Variants in TDRD1 observed in about 807,000 individuals in gnomAD.
The protein encoded by TDRD1 is tudor domain containing 1, also known as tudor domain-containing protein 1.
In TDRD1, 37 loss-of-function variants were observed where a neutral mutation model predicts 140.6. The observed-to-expected ratio is 0.26, with a 90% CI of 0.20 to 0.35. The LOEUF is 0.35. Ranked by LOEUF, TDRD1 falls within the 10% of genes least tolerant of loss-of-function variation. The pLI, the probability that TDRD1 is intolerant of heterozygous loss-of-function variation, is 1.00. For missense variants in TDRD1, 1,243 were observed against 1,393.0 expected (o/e 0.89, Z 1.71); for synonymous variants, 506 against 475.7 (o/e 1.06, Z -0.83).
chr10:114,196,432 G>T (rs2132889720), intron 3 of TDRD1, among the ~76,000 whole-genome samples: 1 of 152,196 alleles, frequency 6.6e-6, no homozygotes, highest in Non-Finnish European at 1.5e-5. Flanking sequence ...AGTTTCTCAG[G>T]TAAGTTTTCT....
chr10:114,224,495 A>G (rs2036322708), intron 21 of TDRD1, among the ~76,000 whole-genome samples: 1 of 152,144 alleles, frequency 6.6e-6, no homozygotes, highest in Non-Finnish European at 1.5e-5. Context: ...TAATGCTTTT[A>G]GTTGCTTTTG....
At chr10:114,194,659 T>G (rs2034210459) in intron 3 of TDRD1, among the ~76,000 whole-genome samples, 1 of 151,976 alleles carries the variant, frequency 6.6e-6, no homozygotes, top group African/African-American at 2.4e-5. Flanking sequence ...TTAATTGATT[T>G]CTTCTTTTAT....
At chr10:114,198,009 G>C (rs571619695) in intron 3 of TDRD1, among the ~76,000 whole-genome samples, 1 of 152,230 alleles carries the variant, frequency 6.6e-6, no homozygotes, top group African/African-American at 2.4e-5. Context: ...ACACTGCTCT[G>C]GCTGCTTGTT....
chr10:114,230,696 A>G (rs1160383491), intron 25 of TDRD1, among the ~76,000 whole-genome samples: 1 of 152,236 alleles, frequency 6.6e-6, no homozygotes, highest in Non-Finnish European at 1.5e-5. Context: ...TTGCTTAAGC[A>G]TTACTTCATT....
At chr10:114,194,799 TCCAGG>T in intron 3 of TDRD1, among the ~76,000 whole-genome samples, 1 of 148,840 alleles carries the variant, frequency 6.7e-6, no homozygotes. Flanking sequence ...CCCTCTGTCA[TCCAGG>T]CTGGAGTGTA....
chr10:114,178,602 G>A (rs772842472), upstream of TDRD1, among the ~76,000 whole-genome samples: 80 of 152,292 alleles, frequency 5.3e-4, 2 homozygotes, highest in African/African-American at 1.8e-3. Context: ...GGGCTGAGAT[G>A]TTACTAAGTC....
chr10:114,181,049 G>A (rs1194840591), intron 1 of TDRD1, among the ~76,000 whole-genome samples: 1 of 152,168 alleles, frequency 6.6e-6, no homozygotes, highest in African/African-American at 2.4e-5. Context: ...GACTTAATGG[G>A]TTCAAAGCGT....
At chr10:114,205,562 T>G (rs926592990) in intron 10 of TDRD1, among the ~76,000 whole-genome samples, 1 of 152,236 alleles carries the variant, frequency 6.6e-6, no homozygotes, top group African/African-American at 2.4e-5. Context: ...CAGCCATACT[T>G]ATGTCTTAAA....
rs1328467796 is a variant in TDRD1, at chr10:114,213,337, C to G, written c.1832-9C>G. On this transcript the variant is annotated splice_polypyrimidine_tract_variant and intron_variant, in intron 14 of 25. Coordinates refer to ENST00000251864, the Ensembl canonical transcript of TDRD1. ...ATAATTGTAACATTCATTCAAAATT[C>G]TTTGTTAGGAGTAAAGCCATCATTA... is the stretch of plus-strand genomic sequence containing the variant. The G allele has an allele frequency of 6.3e-7, 1 of 1,597,210 alleles. No homozygotes were observed. Among genetic ancestry groups the G allele is most frequent in the East Asian group, 2.2e-5 (1 of 44,522 alleles).
chr10:114,179,001 G>C (rs2032801300), upstream of TDRD1, among the ~76,000 whole-genome samples: 1 of 152,240 alleles, frequency 6.6e-6, no homozygotes, highest in Non-Finnish European at 1.5e-5. Context: ...ACCAGGCAGA[G>C]GCTGTTGATT....
Position 114,202,347 on chromosome 10 carries a change from T to TGCCCCCC in TDRD1, c.696+49_696+50insGCCCCCC, listed in dbSNP as rs753474862. ...TTTTGAATAACTCCTCTTTATTGAA[T>TGCCCCCC]TAAGATGTAAGATAAATATTTTAGG... is the stretch of plus-strand genomic sequence containing the variant. On this transcript the variant is annotated intron_variant, in intron 6 of 25. Coordinates refer to ENST00000251864, the Ensembl canonical transcript of TDRD1. 7.6e-5 allele frequency: 98 copies of TGCCCCCC among 1,284,186 alleles called. 1 individual carries two copies. Among genetic ancestry groups the TGCCCCCC allele is most frequent in the Middle Eastern group, 5.1e-4 (2 of 3,912 alleles). The allele number at this position is 1,284,186 out of a possible 1,614,324, so 79.5% of individuals were successfully genotyped here. A position where few individuals can be genotyped will look rare whatever the true frequency, so the allele number is the denominator to read the frequency against.
At chr10:114,230,837 G>A (rs747721152) in intron 25 of TDRD1, among the ~76,000 whole-genome samples, 1 of 152,126 alleles carries the variant, frequency 6.6e-6, no homozygotes, top group Non-Finnish European at 1.5e-5. Flanking sequence ...GCTGAGGAGG[G>A]CAGGTCACAT....
chr10:114,178,960 A>C (rs1032106022), upstream of TDRD1, among the ~76,000 whole-genome samples: 1 of 152,220 alleles, frequency 6.6e-6, no homozygotes, highest in Non-Finnish European at 1.5e-5. Flanking sequence ...AAAGAAAAAA[A>C]GTATGAGCAC....
chr10:114,202,719 G>A (rs2034840011), intron 6 of TDRD1, among the ~76,000 whole-genome samples: 1 of 152,164 alleles, frequency 6.6e-6, no homozygotes, highest in African/African-American at 2.4e-5. Context: ...TTCTTTAACT[G>A]CTTCTAGCCT....
At chr10:114,184,839 TG>T (rs1251106815) in intron 1 of TDRD1, among the ~76,000 whole-genome samples, 1 of 152,246 alleles carries the variant, frequency 6.6e-6, no homozygotes, top group Non-Finnish European at 1.5e-5. Context: ...TATTGCAGTC[TG>T]ATTCTCTGTG....
exon 26 of TDRD1, chr10:114,231,518 G>A: frequency 6.3e-7 from 1 of 1,595,994 alleles, no homozygotes; most frequent in African/African-American, 1.4e-5. Context: ...ACCCTTATGA[G>A]ACAGGAAACA....
intron 14 of TDRD1, 68 bp from the exon 15 acceptor site, chr10:114,213,278 G>T: frequency 6.8e-7 from 1 of 1,470,228 alleles, no homozygotes. Flanking sequence ...TACCTTGGGG[G>T]AAATTAGGAG....
At chr10:114,230,094 G>A (rs2036674049) in intron 25 of TDRD1, among the ~76,000 whole-genome samples, 1 of 152,198 alleles carries the variant, frequency 6.6e-6, no homozygotes, top group Non-Finnish European at 1.5e-5. Flanking sequence ...GCCTCCCAAA[G>A]TGCTGGGATT....
At chr10:114,187,493 G>A (rs2033628514) in intron 1 of TDRD1, among the ~76,000 whole-genome samples, 1 of 152,206 alleles carries the variant, frequency 6.6e-6, no homozygotes, top group African/African-American at 2.4e-5. Context: ...TAAAGTGTAA[G>A]CTTTAGGTTG....
Sources: gnomAD v4.1 joint callset for allele counts (sites outside exome capture counted in the v4.1 genomes callset) on GRCh38, gnomAD v4.1.1 for gene constraint, MANE v1.5 for transcripts, NCBI Gene and HGNC (gene_info 2026-07-23, HGNC 2026-07-21) for gene names.